Variants in ZMIZ1 observed in about 807,000 individuals in gnomAD.
The protein encoded by ZMIZ1 is zinc finger MIZ domain-containing protein 1.
A neutral mutation model predicts 113.9 loss-of-function variants in ZMIZ1; 17 were observed. The observed-to-expected ratio is 0.15, with a 90% confidence interval of 0.10 to 0.22. The LOEUF is 0.22. ZMIZ1 is among the 10% of genes least tolerant of loss of function. The pLI, the probability that ZMIZ1 is intolerant of heterozygous loss-of-function variation, is 1.00. For missense variants in ZMIZ1, 1,059 were observed against 1,477.8 expected (o/e 0.72, Z 4.65); for synonymous variants, 607 against 603.1 (o/e 1.01, Z -0.09).
At chr10:79,090,935 G>C (rs1489618979) in intron 1 of ZMIZ1, among the ~76,000 whole-genome samples, 2 of 152,200 alleles carry the variant, frequency 1.3e-5, no homozygotes, top group African/African-American at 4.8e-5. Flanking sequence ...CCTATTGCTG[G>C]GGTTCCAGGG....
intron 1 of ZMIZ1, among the ~76,000 whole-genome samples, chr10:79,114,502 T>TGTGTGC (rs1173869691): frequency 4.1e-5 from 3 of 73,494 alleles, no homozygotes; most frequent in Non-Finnish European, 9.3e-5. Flanking sequence ...TGCGTGTGTG[T>TGTGTGC]GTGCGTGTGT....
intron 7 of ZMIZ1, among the ~76,000 whole-genome samples, chr10:79,253,649 T>G (rs556598255): frequency 2.6e-5 from 4 of 152,174 alleles, no homozygotes; most frequent in Non-Finnish European, 5.9e-5. Flanking sequence ...AGTCCGAGGC[T>G]TCAGTGTCCA....
intron 2 of ZMIZ1, among the ~76,000 whole-genome samples, chr10:79,123,901 C>A (rs7918117): frequency 6.6e-6 from 1 of 152,218 alleles, no homozygotes; most frequent in Non-Finnish European, 1.5e-5. Flanking sequence ...TTCCAGGGTC[C>A]GCATATGGCA....
At chr10:79,120,497 A>G (rs1844244501) in intron 2 of ZMIZ1, among the ~76,000 whole-genome samples, 1 of 152,102 alleles carries the variant, frequency 6.6e-6, no homozygotes, top group Non-Finnish European at 1.5e-5. Flanking sequence ...GCCGAGGCTG[A>G]GCTGGAGCTC....
At chr10:79,292,794 T>C (rs1308313822) in intron 11 of ZMIZ1, 2 of 463,450 alleles carry the variant, frequency 4.3e-6, no homozygotes, top group Non-Finnish European at 8.6e-6. Context: ...CCAGTGCTGC[T>C]CCCTGACCTT....
At chr10:79,171,579 C>T (rs1212717754) in intron 4 of ZMIZ1, among the ~76,000 whole-genome samples, 2 of 152,206 alleles carry the variant, frequency 1.3e-5, no homozygotes, top group African/African-American at 4.8e-5. Context: ...AGAAACAGAC[C>T]TGTGCCAGCC....
intron 7 of ZMIZ1, among the ~76,000 whole-genome samples, chr10:79,220,556 G>A (rs557267284): frequency 1.2e-4 from 18 of 152,276 alleles, no homozygotes; most frequent in African/African-American, 4.1e-4. Flanking sequence ...CCACCTGTCC[G>A]CCCTCCTGCC....
intron 8 of ZMIZ1, among the ~76,000 whole-genome samples, chr10:79,288,653 C>G (rs1853256048): frequency 6.6e-6 from 1 of 152,124 alleles, no homozygotes; most frequent in Non-Finnish European, 1.5e-5. Flanking sequence ...GGGGTGGTGC[C>G]AGAGAGCCAG....
intron 1 of ZMIZ1, among the ~76,000 whole-genome samples, chr10:79,088,039 G>A (rs902151521): frequency 4.6e-5 from 7 of 152,236 alleles, no homozygotes; most frequent in African/African-American, 1.4e-4. Flanking sequence ...ATAACACATG[G>A]TGGCTACCCT....
intron 7 of ZMIZ1, among the ~76,000 whole-genome samples, chr10:79,241,500 G>A (rs1257913584): frequency 6.6e-6 from 1 of 152,120 alleles, no homozygotes; most frequent in African/African-American, 2.4e-5. Flanking sequence ...GGCTGCCCTG[G>A]GGTTGGCCTG....
chr10:79,201,517 T>C (rs1848078894), intron 4 of ZMIZ1, 67 bp from the exon 5 acceptor site: 1 of 1,209,606 alleles, frequency 8.3e-7, no homozygotes, highest in Admixed American at 1.8e-5. Flanking sequence ...CAGAGGGCAG[T>C]TGGGAGGCTG....
At chr10:79,225,347 A>G (rs912829923) in intron 7 of ZMIZ1, among the ~76,000 whole-genome samples, 4 of 152,168 alleles carry the variant, frequency 2.6e-5, no homozygotes. Flanking sequence ...CTGCCAAAAC[A>G]AAGACAGTAG....
At chr10:79,097,332 C>T (rs1329176083) in intron 1 of ZMIZ1, among the ~76,000 whole-genome samples, 1 of 152,230 alleles carries the variant, frequency 6.6e-6, no homozygotes, top group African/African-American at 2.4e-5. Context: ...GGCTGTCTGC[C>T]ACTGAATATC....
At chr10:79,286,989 G>A (rs1421146806) in intron 8 of ZMIZ1, among the ~76,000 whole-genome samples, 2 of 152,206 alleles carry the variant, frequency 1.3e-5, no homozygotes, top group Non-Finnish European at 2.9e-5. Flanking sequence ...GTTCTGGGGC[G>A]AGAAGCCACT....
intron 1 of ZMIZ1, among the ~76,000 whole-genome samples, chr10:79,094,465 T>A (rs1263812702): frequency 1.3e-5 from 2 of 152,256 alleles, no homozygotes; most frequent in Admixed American, 6.5e-5. Flanking sequence ...TCGGTTACTT[T>A]GGCTTTCTAG....
chr10:79,313,504 G>A lies in ZMIZ1; in HGVS notation c.*755G>A, dbSNP rs1178188075. On this transcript the variant is annotated 3_prime_UTR_variant, in exon 25 of 25. Transcript: ENST00000334512. ...ATCTTCTGAGCCAGGACGTCCCTGA[G>A]GCTCCACCTCCAAGCTCAGACAGGG... The A allele has an allele frequency of 6.2e-6, 1 of 160,866 alleles. No individual in the cohort carries two copies. The allele number at this position is 160,866 out of a possible 1,614,324, so 10.0% of individuals were successfully genotyped here.
chr10:79,209,561 G>A (rs559712129), intron 6 of ZMIZ1, among the ~76,000 whole-genome samples: 5 of 152,382 alleles, frequency 3.3e-5, no homozygotes, highest in South Asian at 4.1e-4. Flanking sequence ...CTGGCCAGGC[G>A]GGAACAGCGG....
chr10:79,096,306 C>A (rs1278238639), intron 1 of ZMIZ1, among the ~76,000 whole-genome samples: 2 of 152,110 alleles, frequency 1.3e-5, no homozygotes, highest in Non-Finnish European at 2.9e-5. Flanking sequence ...GTCAGGAGAT[C>A]GAGACCATCC....
In ZMIZ1 at chr10:79,181,347, G is replaced by A. The variant is rs561316480; in HGVS notation, c.-50+19214G>A. The stretch of plus-strand genomic sequence containing the variant: ...GCTTCTGAGGAGGCTGGAGGTGAGC[G>A]GCTGGGCAGATGCAGTTGTGGTGTC... On this transcript the variant is annotated intron_variant, in intron 4 of 24. Coordinates refer to ENST00000334512, the MANE Select transcript of ZMIZ1 (RefSeq NM_020338.4). 1.1e-4 allele frequency among the ~76,000 whole-genome samples: 17 copies of A among 152,354 alleles called. No homozygotes were observed. The East Asian group carries it at 1.2e-3, about 10-fold the overall frequency.
Sources: allele counts gnomAD v4.1 joint callset (sites outside exome capture counted in the v4.1 genomes callset), GRCh38; gene constraint gnomAD v4.1.1; transcripts MANE v1.5; gene names NCBI Gene and HGNC (gene_info 2026-07-23, HGNC 2026-07-21).